The following IL12RB1 variants were observed in gnomAD, a reference collection of about 807,000 sequenced individuals.
The protein encoded by IL12RB1 is interleukin 12 receptor subunit beta 1.
Under a neutral mutation model 94.4 loss-of-function variants are expected in IL12RB1, and 64 were observed. That is an observed-to-expected ratio of 0.68 (90% CI 0.55 to 0.83). The LOEUF is 0.83. Ranked by LOEUF, IL12RB1 falls within the 40% of genes least tolerant of loss-of-function variation. The pLI, the probability that IL12RB1 is intolerant of heterozygous loss-of-function variation, is 0.00. For synonymous variants in IL12RB1, 362 were observed against 355.5 expected (o/e 1.02, Z -0.21); for missense variants, 814 against 855.6 (o/e 0.95, Z 0.61).
chr19:18,077,357 G>C (rs377445808), intron 5 of IL12RB1, among the ~76,000 whole-genome samples, 159 bp downstream of exon 5: 1 of 151,080 alleles, frequency 6.6e-6, no homozygotes. Context: ...GCAAGGCTCC[G>C]TCTCAGAAAA....
chr19:18,083,568 C>T (rs1332252129), intron 1 of IL12RB1, 77 bp from the exon 2 acceptor site: 1 of 1,435,922 alleles, frequency 7.0e-7, no homozygotes, highest in African/African-American at 1.4e-5. Flanking sequence ...TTGGGGTCTA[C>T]ACCCAAGTGA....
Position 18,066,587 on chromosome 19 carries a change from C to G in IL12RB1, c.1438G>C (p.Glu480Gln). The G allele has an allele frequency of 6.2e-7, 1 of 1,613,620 alleles. No homozygotes were observed. The highest frequency in any genetic ancestry group is 8.5e-7 in the Non-Finnish European group (1 of 1,179,718). The change falls in exon 12 of 17, where the codon GAG (glutamate) becomes CAG (glutamine). Residue 480 changes from glutamate (E) to glutamine (Q), a missense_variant. Coordinates refer to ENST00000593993, the MANE Select transcript of IL12RB1 (RefSeq NM_005535.3). ...LLSTCPGVLK[E>Q]YVVRCRDEDS... ...TCATCTCGGCAGCGGACAACATACT[C>G]CTTTAGGACGCCGGGACAGGTGCTC...
At chr19:18,065,942 G>A (rs573759270) in intron 12 of IL12RB1, among the ~76,000 whole-genome samples, 13 of 151,900 alleles carry the variant, frequency 8.6e-5, no homozygotes, top group African/African-American at 3.1e-4. Context: ...GGGAGGCTGA[G>A]GTGGGAGGAT....
In IL12RB1 at chr19:18,073,571, G is replaced by T. The variant is rs1457201126; in HGVS notation, c.729C>A (p.Phe243Leu). Residue 243 changes from phenylalanine to leucine, a missense_variant, in exon 8 of 17, where the codon TTC becomes TTA. Coordinates refer to ENST00000593993, the MANE Select transcript of IL12RB1 (RefSeq NM_005535.3). ...CATCCTGGCCCAGCTGCTCCACCGA[G>T]AATCTCACCTGAGGCTGTGGGGGGT... is the stretch of plus-strand genomic sequence containing the variant. ...PENPPQPQVRFSVEQLGQDGR... is the reference protein window; with the variant it reads ...PENPPQPQVRLSVEQLGQDGR... 1 of 1,612,790 alleles carries T rather than the reference G, an allele frequency of 6.2e-7. No individual in the cohort carries two copies. The highest frequency in any genetic ancestry group is 1.3e-5 in the African/African-American group (1 of 74,980).
chr19:18,083,659 A>G (rs2036074387), intron 1 of IL12RB1, among the ~76,000 whole-genome samples, 168 bp from the exon 2 acceptor site: 1 of 126,574 alleles, frequency 7.9e-6, no homozygotes, highest in South Asian at 2.5e-4. Context: ...CCATGTATTT[A>G]TCTGCCCATC....
At chr19:18,068,862 T>C (rs17885551) in intron 10 of IL12RB1, among the ~76,000 whole-genome samples, 23,451 of 151,658 alleles carry the variant, frequency 0.15, 2,069 homozygotes, top group Non-Finnish European at 0.21. Flanking sequence ...GATTCTCCTG[T>C]CTCAGCCTCC....
chr19:18,075,483 A>G (rs2035401048), intron 7 of IL12RB1, among the ~76,000 whole-genome samples: 1 of 146,508 alleles, frequency 6.8e-6, no homozygotes, highest in African/African-American at 2.5e-5. Flanking sequence ...CTGGTCTCGA[A>G]CTCCTGACCT....
intron 1 of IL12RB1, among the ~76,000 whole-genome samples, chr19:18,093,843 C>T (rs1416459031): frequency 6.6e-6 from 1 of 152,112 alleles, no homozygotes; most frequent in Non-Finnish European, 1.5e-5. Flanking sequence ...TGTAGGACTG[C>T]CAGATAAAAC....
At chr19:18,087,607 C>T (rs1176199055), upstream of IL12RB1, among the ~76,000 whole-genome samples, 1 of 152,006 alleles carries the variant, frequency 6.6e-6, no homozygotes, top group Middle Eastern at 3.2e-3. Flanking sequence ...ATCAACCTCC[C>T]CAGGCTCAGG....
intron 12 of IL12RB1, 78 bp from the exon 13 acceptor site, chr19:18,064,088 G>C (rs1229236553): frequency 2.1e-6 from 2 of 942,230 alleles, no homozygotes; most frequent in Non-Finnish European, 1.7e-6. Flanking sequence ...ACAGCCTGTG[G>C]GTGGGGTGGG....
chr19:18,089,318 G>A (rs771969180), upstream of IL12RB1, among the ~76,000 whole-genome samples: 26 of 151,958 alleles, frequency 1.7e-4, no homozygotes, highest in Non-Finnish European at 3.4e-4. Flanking sequence ...TCACTGAATC[G>A]TTTGCTTTAA....
At chr19:18,085,991 G>A (rs1055148038) in intron 1 of IL12RB1, among the ~76,000 whole-genome samples, 4 of 151,716 alleles carry the variant, frequency 2.6e-5, no homozygotes, top group Non-Finnish European at 5.9e-5. Flanking sequence ...CAAGGTGAGT[G>A]GATCATTTGA....
intron 5 of IL12RB1, 56 bp downstream of exon 5, chr19:18,077,460 G>A: frequency 7.3e-7 from 1 of 1,373,184 alleles, no homozygotes; most frequent in Non-Finnish European, 1.0e-6. Flanking sequence ...CTGATTTGGG[G>A]GTGAAGGTGC....
rs367647802 is a variant in IL12RB1 at position 18,068,447 on chromosome 19, G to A, written c.1269C>T (p.His423=). 160 of 1,613,056 alleles carry A rather than the reference G, an allele frequency of 9.9e-5. No individual in the cohort carries two copies. Among genetic ancestry groups the A allele is most frequent in the Admixed American group, 3.0e-4 (18 of 59,964 alleles). The change falls in exon 11 of 17, where the codon CAC becomes CAT. Residue 423 remains histidine (H), a synonymous_variant. Transcript: ENST00000593993. ...CYYITIFASA[H]PEKLTLWSTV... ...TAGACCACAAGGTGAGCTTCTCGGG[G>A]TGCGCAGAGGCAAAGATGGTAATGT...
At position 18,083,463 on chromosome 19, in the gene IL12RB1, A is replaced by G. The variant is rs1318111906; in HGVS notation, c.93T>C (p.Phe31=). Residue 31 remains phenylalanine, a synonymous_variant, in exon 2 of 17, where the codon TTT becomes TTC. Transcript: ENST00000593993. ...CTGCATCCGGATATGGCGGGTCCTG[A>G]AAACAGCACTCACTGGTTCTGCAGG... ...GAACRTSECC[F]QDPPYPDADS... The G allele has an allele frequency of 6.2e-7, 1 of 1,613,282 alleles. No homozygotes were observed. Among genetic ancestry groups the G allele is most frequent in the Non-Finnish European group, 8.5e-7 (1 of 1,179,964 alleles).
In IL12RB1 at chr19:18,063,967, G is replaced by T. The variant is rs368015601; in HGVS notation, c.1527C>A (p.Gly509=). Residue 509 remains glycine, a synonymous_variant, in exon 13 of 17, where the codon GGC becomes GGA. Transcript: ENST00000593993. ...CCGTGTAGGCTACACCAGCCCGCAG[G>T]CCACTGAGGGTAACTTGGGTCTCTG... ...QPTETQVTLS[G]LRAGVAYTVQ... The T allele has an allele frequency of 1.1e-5, 18 of 1,610,992 alleles. No homozygotes were observed. The highest frequency in any genetic ancestry group is 2.2e-5 in the East Asian group (1 of 44,856).
intron 7 of IL12RB1, among the ~76,000 whole-genome samples, chr19:18,075,022 A>G (rs777223936): frequency 1.3e-5 from 2 of 151,448 alleles, no homozygotes; most frequent in African/African-American, 2.4e-5. Flanking sequence ...ACTGCACTCC[A>G]GCCTGGGTGA....
intron 3 of IL12RB1, among the ~76,000 whole-genome samples, chr19:18,081,476 T>C (rs2035892856): frequency 6.7e-6 from 1 of 149,764 alleles, no homozygotes; most frequent in Admixed American, 6.6e-5. Flanking sequence ...ACTGGAGGGG[T>C]TTGAGGGACC....
rs749421416 is a variant in IL12RB1, at chr19:18,082,252, C to T, written c.137G>A (p.Gly46Asp). The T allele has an allele frequency of 1.1e-5, 17 of 1,609,992 alleles. No homozygotes were observed. The African/African-American group carries it at 2.3e-4, about 22-fold the overall frequency. The change falls in exon 3 of 17, where the codon GGC becomes GAC. Residue 46 changes from glycine (G) to aspartate (D), a missense_variant. By Grantham distance (94) the Gly-to-Asp change is moderately conservative. Transcript: ENST00000593993. ...CCGATAGCATCTCAGGTCCCTAGGGCCCGAGGCCGAGCCTGGAAGAGATCC... is the reference window on the plus strand; with the variant it reads ...CCGATAGCATCTCAGGTCCCTAGGGTCCGAGGCCGAGCCTGGAAGAGATCC... ...YPDADSGSASGPRDLRCYRIS... is the reference protein window; with the variant it reads ...YPDADSGSASDPRDLRCYRIS...
Sources: allele counts gnomAD v4.1 joint callset (sites outside exome capture counted in the v4.1 genomes callset), GRCh38; gene constraint gnomAD v4.1.1; transcripts MANE v1.5; gene names NCBI Gene and HGNC (gene_info 2026-07-23, HGNC 2026-07-21).